Variants in NOSTRIN observed in about 807,000 individuals in gnomAD.
The protein encoded by NOSTRIN is nitric oxide synthase trafficking, also known as BM247 homolog.
In NOSTRIN, 63 loss-of-function variants were observed where a neutral mutation model predicts 59.0. The observed-to-expected ratio is 1.07, with a 90% CI of 0.87 to 1.32. NOSTRIN has a LOEUF of 1.32. NOSTRIN is among the 40% of genes most tolerant of loss of function. The pLI, the probability that NOSTRIN is intolerant of heterozygous loss-of-function variation, is 0.00. For missense variants in NOSTRIN, 512 were observed against 473.1 expected (o/e 1.08, Z -0.76); for synonymous variants, 200 against 165.4 (o/e 1.21, Z -1.61).
intron 8 of NOSTRIN, among the ~76,000 whole-genome samples, chr2:168,850,375 C>T (rs1157534455): frequency 6.6e-6 from 1 of 152,142 alleles, no homozygotes; most frequent in East Asian, 1.9e-4. Flanking sequence ...ACTCCCAGGC[C>T]TAATTTTAGG....
chr2:168,843,192 G>T, intron 8 of NOSTRIN, 75 bp downstream of exon 8: 1 of 800,900 alleles, frequency 1.2e-6, no homozygotes. Context: ...TCAGATTACA[G>T]TGACAAGACC....
intron 3 of NOSTRIN, among the ~76,000 whole-genome samples, chr2:168,825,158 G>A (rs1385985932): frequency 6.6e-6 from 1 of 152,098 alleles, no homozygotes; most frequent in African/African-American, 2.4e-5. Flanking sequence ...CCAGTTCTTG[G>A]GCACTTACTG....
At chr2:168,835,116 C>T (rs1687643264) in intron 7 of NOSTRIN, among the ~76,000 whole-genome samples, 1 of 151,928 alleles carries the variant, frequency 6.6e-6, no homozygotes, top group African/African-American at 2.4e-5. Context: ...ACTCTGTGGC[C>T]CAGGCTGGAG....
intron 3 of NOSTRIN, among the ~76,000 whole-genome samples, chr2:168,826,200 C>T (rs10198235): frequency 0.26 from 37,236 of 143,238 alleles, 5,171 homozygotes; most frequent in Middle Eastern, 0.34. Context: ...GTTTTTGATT[C>T]GAATTGCCTC....
rs1250447639 is a variant in NOSTRIN at position 168,855,996 on chromosome 2, G to A, written c.964+536G>A. 11 of 405,140 alleles carry A rather than the reference G, an allele frequency of 2.7e-5. No individual in the cohort carries two copies. In the Admixed American group the frequency reaches 3.0e-4, roughly 11 times the overall value. 25.1% of individuals were successfully genotyped at this position (405,140 alleles called of 1,614,324 possible). On this transcript the variant is annotated intron_variant, in intron 11 of 15. Transcript: ENST00000317647. Reference sequence around the variant, plus strand: ...TAGTAACTTGTTTTATATGGACCACGATAACTCATTGCAATGGAATACTAG... The same window carrying A: ...TAGTAACTTGTTTTATATGGACCACAATAACTCATTGCAATGGAATACTAG...
At chr2:168,841,830 C>T (rs1688125567) in intron 7 of NOSTRIN, among the ~76,000 whole-genome samples, 1 of 152,188 alleles carries the variant, frequency 6.6e-6, no homozygotes, top group Non-Finnish European at 1.5e-5. Context: ...TCCAAATATA[C>T]AGGGGAACTT....
intron 2 of NOSTRIN, among the ~76,000 whole-genome samples, chr2:168,814,219 C>T (rs494120): frequency 0.073 from 11,174 of 152,298 alleles, 487 homozygotes; most frequent in Non-Finnish European, 0.1. Flanking sequence ...CACACAGTGA[C>T]GTGATTCTGA....
chr2:168,863,551 T>C (rs921077628), intron 15 of NOSTRIN: 9 of 985,274 alleles, frequency 9.1e-6, no homozygotes, highest in Non-Finnish European at 1.1e-5. Flanking sequence ...TGGAATTCTC[T>C]TTATTTGAAT....
At position 168,855,399 on chromosome 2, in the gene NOSTRIN, A is replaced by T. The variant is rs1174243545; in HGVS notation, c.903A>T (p.Leu301Phe). 3 of 1,611,698 alleles carry T rather than the reference A, an allele frequency of 1.9e-6. No individual in the cohort carries two copies. In the Admixed American group the frequency reaches 5.0e-5, roughly 27 times the overall value. The change falls in exon 11 of 16, where the codon TTA (leucine) becomes TTT (phenylalanine). Residue 301 changes from leucine to phenylalanine, a missense_variant. Leu to Phe is a conservative substitution (Grantham distance 22). Transcript: ENST00000317647. ...TGGATAAAGAGAGACGAAAGTCTTT[A>T]CTAAAACCAAAATTATTGAGACTGC... ...SAMDKERRKS[L>F]LKPKLLRLQR...
intron 12 of NOSTRIN, 140 bp from the exon 13 acceptor site, chr2:168,859,372 G>A (rs1689303423): frequency 1.0e-5 from 13 of 1,293,154 alleles, no homozygotes; most frequent in Middle Eastern, 2.0e-4. Context: ...TTTTTCCTTC[G>A]GCATTTTCTG....
chr2:168,818,097 A>G (rs1686509697), intron 2 of NOSTRIN: 1 of 166,014 alleles, frequency 6.0e-6, no homozygotes, highest in Non-Finnish European at 1.3e-5. Context: ...TTTATAATGA[A>G]GGGAGGACTC....
At chr2:168,864,730 A>C (rs1689745780) in intron 15 of NOSTRIN, 104 bp from the exon 16 acceptor site, 4 of 1,342,262 alleles carry the variant, frequency 3.0e-6, no homozygotes, top group Non-Finnish European at 4.1e-6. Flanking sequence ...AAATGACACT[A>C]CCAAGTAAAT....
rs1426235091 is a variant in NOSTRIN, at chr2:168,844,869, CA to C, written c.630+1757del. The stretch of plus-strand genomic sequence containing the variant: ...TAGGCGACAGAGCAAGACTCCGTCT[CA>C]AAAAGAAAAAAAAAAAAAGATTCAG... On this transcript the variant is annotated intron_variant, in intron 8 of 15. Coordinates refer to ENST00000317647, the MANE Select transcript of NOSTRIN (RefSeq NM_001039724.4). Among the ~76,000 whole-genome samples the C allele has an allele frequency of 7.8e-5, 7 of 89,394 alleles. No homozygotes were observed. In the East Asian group the frequency reaches 2.6e-3, roughly 33 times the overall value. The allele number at this position is 89,394 out of a possible 152,430, so 58.6% of individuals were successfully genotyped here.
At chr2:168,819,896 C>T (rs1007806879) in intron 2 of NOSTRIN, among the ~76,000 whole-genome samples, 1 of 152,164 alleles carries the variant, frequency 6.6e-6, no homozygotes, top group African/African-American at 2.4e-5. Context: ...GCCAGACCCT[C>T]AACATCCCCA....
At chr2:168,809,918 GT>G (rs1453083502) in intron 1 of NOSTRIN, among the ~76,000 whole-genome samples, 1 of 152,010 alleles carries the variant, frequency 6.6e-6, no homozygotes, top group East Asian at 1.9e-4. Flanking sequence ...CTACAAGTGT[GT>G]TTTGTTTACA....
At chr2:168,851,759 C>T (rs148773753) in intron 10 of NOSTRIN, among the ~76,000 whole-genome samples, 161 of 152,198 alleles carry the variant, frequency 1.1e-3, no homozygotes, top group Non-Finnish European at 1.8e-3. Flanking sequence ...AACAAATTAC[C>T]GCTCCCCACC....
intron 12 of NOSTRIN, among the ~76,000 whole-genome samples, chr2:168,858,146 T>G (rs901320652): frequency 6.6e-6 from 1 of 152,192 alleles, no homozygotes; most frequent in African/African-American, 2.4e-5. Context: ...TGCACAGAAT[T>G]TTGTCATTGT....
At chr2:168,800,612 C>T (rs539220840), upstream of NOSTRIN, among the ~76,000 whole-genome samples, 1 of 152,268 alleles carries the variant, frequency 6.6e-6, no homozygotes, top group Admixed American at 6.5e-5. Context: ...GAGTGCCCTA[C>T]CAATCTATAA....
At position 168,851,129 on chromosome 2, in the gene NOSTRIN, A is replaced by C. The variant is rs771024963; in HGVS notation, c.676A>C (p.Asn226His). The C allele has an allele frequency of 6.9e-6, 11 of 1,599,978 alleles. No individual in the cohort carries two copies. In the South Asian group the frequency reaches 1.2e-4, roughly 18 times the overall value. Residue 226 changes from asparagine (N) to histidine (H), a missense_variant, in exon 9 of 16, where the codon AAC becomes CAC. Physicochemically the swap from Asn to His is moderately conservative, Grantham distance 68 (BLOSUM62 1). Transcript: ENST00000317647. ...GGAAAGAATTCAACTTTTATGCAAT[A>C]ACTTAAACCAGTACAGCCAACATAT... The part of the protein sequence containing the change: ...EKERIQLLCN[N>H]LNQYSQHISL...
Sources: gnomAD v4.1 joint callset for allele counts (sites outside exome capture counted in the v4.1 genomes callset) on GRCh38, gnomAD v4.1.1 for gene constraint, MANE v1.5 for transcripts, NCBI Gene and HGNC (gene_info 2026-07-23, HGNC 2026-07-21) for gene names.